CCDC171: variants seen among roughly 807,000 people sequenced by gnomAD.
CCDC171 encodes the protein coiled-coil domain-containing protein 171.
In CCDC171, 177 loss-of-function variants were observed where a neutral mutation model predicts 168.2. The ratio of observed to expected loss-of-function variants is 1.05; its 90% CI spans 0.93 to 1.19. The LOEUF (loss-of-function observed/expected upper bound fraction) is 1.19. Ranked by LOEUF, CCDC171 falls within the 50% of genes most tolerant of loss-of-function variation. The pLI is 0.00. For synonymous variants in CCDC171, 687 were observed against 540.8 expected, an observed-to-expected ratio of 1.27 and a Z score of -3.75; for missense variants, 1,991 against 1,539.0, an observed-to-expected ratio of 1.29 and a Z score of -4.91.
intron 25 of CCDC171, among the ~76,000 whole-genome samples, chr9:15,964,298 A>G (rs898215338): frequency 4.6e-5 from 7 of 152,134 alleles, no homozygotes; most frequent in South Asian, 4.1e-4. Flanking sequence ...TGGGGATTCT[A>G]TGTGTTGCAC....
At chr9:15,955,503 C>G (rs564823862) in intron 25 of CCDC171, among the ~76,000 whole-genome samples, 1 of 152,146 alleles carries the variant, frequency 6.6e-6, no homozygotes, top group Non-Finnish European at 1.5e-5. Context: ...TATGTGCAAG[C>G]TGTTCCAAGA....
chr9:15,715,962 C>T (rs182273516), intron 11 of CCDC171, among the ~76,000 whole-genome samples: 24 of 152,308 alleles, frequency 1.6e-4, no homozygotes, highest in Admixed American at 1.5e-3. Flanking sequence ...TGCCAAAGTA[C>T]AGCCAGAGTT....
downstream of CCDC171, among the ~76,000 whole-genome samples, chr9:16,063,035 T>C (rs560047193): frequency 6.6e-6 from 1 of 152,276 alleles, no homozygotes; most frequent in Admixed American, 6.5e-5. Flanking sequence ...ATCACCCCCG[T>C]GTTACCGACA....
At chr9:15,640,083 AAG>A (rs2046484933) in intron 7 of CCDC171, among the ~76,000 whole-genome samples, 1 of 152,180 alleles carries the variant, frequency 6.6e-6, no homozygotes, top group African/African-American at 2.4e-5. Context: ...ATAGTAAAAT[AAG>A]TATCAATGAG....
At chr9:15,570,865 G>C (rs1563959582) in intron 2 of CCDC171, among the ~76,000 whole-genome samples, 1 of 152,182 alleles carries the variant, frequency 6.6e-6, no homozygotes, top group Non-Finnish European at 1.5e-5. Flanking sequence ...TTCTGATCCA[G>C]AGACCGTCTG....
the CCDC171 span, among the ~76,000 whole-genome samples, chr9:16,106,259 T>A: frequency 6.6e-6 from 1 of 152,210 alleles, no homozygotes. Context: ...TTTTTTGTTC[T>A]CTCCTCAAAT....
intron 21 of CCDC171, among the ~76,000 whole-genome samples, chr9:15,794,579 G>A (rs973028553): frequency 6.6e-6 from 1 of 151,624 alleles, no homozygotes; most frequent in South Asian, 2.1e-4. Flanking sequence ...TATTCTGTTG[G>A]CATCTTGAAT....
the CCDC171 span, among the ~76,000 whole-genome samples, chr9:16,096,757 AGT>A: frequency 6.6e-6 from 1 of 152,192 alleles, no homozygotes; most frequent in Non-Finnish European, 1.5e-5. Flanking sequence ...GGCTAGAGGT[AGT>A]GATAGCTCCC....
At chr9:15,835,468 C>T (rs1167103224) in intron 21 of CCDC171, among the ~76,000 whole-genome samples, 1 of 152,148 alleles carries the variant, frequency 6.6e-6, no homozygotes, top group Admixed American at 6.5e-5. Context: ...GCTTTTGTTG[C>T]CCAGGCTGGA....
chr9:15,795,015 C>G (rs2058480006), intron 21 of CCDC171, among the ~76,000 whole-genome samples: 1 of 152,168 alleles, frequency 6.6e-6, no homozygotes, highest in Non-Finnish European at 1.5e-5. Flanking sequence ...AGAGTGGTGT[C>G]TTAGTGCATT....
At chr9:16,073,352 C>A in the CCDC171 span, among the ~76,000 whole-genome samples, 1 of 152,206 alleles carries the variant, frequency 6.6e-6, no homozygotes, top group East Asian at 1.9e-4. Context: ...TCCCTGCCTG[C>A]AGGAAGGCTA....
intron 8 of CCDC171, among the ~76,000 whole-genome samples, chr9:16,036,713 A>G (rs1349137312): frequency 2.0e-5 from 3 of 152,248 alleles, no homozygotes; most frequent in East Asian, 1.9e-4. Context: ...TCAGTTGTCA[A>G]TCAAGAATTC....
At chr9:15,629,782 G>A (rs2045518937) in intron 7 of CCDC171, among the ~76,000 whole-genome samples, 2 of 152,186 alleles carry the variant, frequency 1.3e-5, no homozygotes, top group African/African-American at 4.8e-5. Flanking sequence ...AGAGAGAAAG[G>A]TTGGGTTACC....
chr9:15,935,002 G>C (rs113987795), intron 25 of CCDC171, among the ~76,000 whole-genome samples: 4 of 152,072 alleles, frequency 2.6e-5, no homozygotes, highest in African/African-American at 7.2e-5. Context: ...CAGAGGCTAG[G>C]GGGAGGAGAG....
intron 9 of CCDC171, among the ~76,000 whole-genome samples, chr9:15,667,611 A>C (rs187121698): frequency 6.6e-6 from 1 of 152,204 alleles, no homozygotes; most frequent in East Asian, 1.9e-4. Context: ...GCGCCATTGC[A>C]CTCCAGCCTG....
chr9:15,742,935 G>A (rs763489621), intron 16 of CCDC171, among the ~76,000 whole-genome samples: 1 of 151,688 alleles, frequency 6.6e-6, no homozygotes, highest in Non-Finnish European at 1.5e-5. Flanking sequence ...ACCCTACTTG[G>A]CTGATATTTT....
intron 3 of CCDC171, among the ~76,000 whole-genome samples, chr9:16,006,514 T>C (rs1832699858): frequency 6.6e-6 from 1 of 152,166 alleles, no homozygotes; most frequent in African/African-American, 2.4e-5. Flanking sequence ...ATGTGCCATG[T>C]TGGTGTGCTG....
chr9:16,032,681 G>C (rs752489), intron 6 of CCDC171, among the ~76,000 whole-genome samples: 56,220 of 152,002 alleles, frequency 0.37, 12,230 homozygotes, highest in East Asian at 0.63. Flanking sequence ...ACAGTGGCAC[G>C]ATCATAGCTC....
At chr9:15,839,921 A>G (rs2060605549) in intron 21 of CCDC171, among the ~76,000 whole-genome samples, 2 of 152,156 alleles carry the variant, frequency 1.3e-5, no homozygotes, top group Admixed American at 1.3e-4. Flanking sequence ...TTTTATTTAC[A>G]TTTAAGTCTA....
Sources: allele counts gnomAD v4.1 joint callset (sites outside exome capture counted in the v4.1 genomes callset), GRCh38; gene constraint gnomAD v4.1.1; transcripts MANE v1.5; gene names NCBI Gene and HGNC (gene_info 2026-07-23, HGNC 2026-07-21).